The following EDA variants were observed in gnomAD, a reference collection of about 807,000 sequenced individuals.
EDA encodes the protein ectodysplasin-A.
EDA carries 2 observed loss-of-function variants against 23.6 expected under a neutral mutation model. The ratio of observed to expected loss-of-function variants is 0.08; its 90% CI spans 0.03 to 0.27. The LOEUF (loss-of-function observed/expected upper bound fraction) is 0.27. Among genes scored for constraint, EDA ranks in the 10% least tolerant of loss-of-function variants. EDA has a pLI of 1.00. For synonymous variants in EDA, 131 were observed against 132.0 expected, an observed-to-expected ratio of 0.99 and a Z score of 0.05; for missense variants, 229 against 324.2, an observed-to-expected ratio of 0.71 and a Z score of 2.26.
chrX:69,870,482 A>T (rs1602498359), intron 1 of EDA, among the ~76,000 whole-genome samples: 1 of 110,746 alleles, frequency 9.0e-6, no homozygotes, highest in East Asian at 2.9e-4. Flanking sequence ...GAGAATCAAC[A>T]TTATCTTGCC....
At chrX:69,795,666 G>A (rs1300910186) in intron 1 of EDA, among the ~76,000 whole-genome samples, 1 of 112,949 alleles carries the variant, frequency 8.9e-6, no homozygotes, top group Non-Finnish European at 1.9e-5. Context: ...AAGGCCACTG[G>A]GGCTTAGGTG....
intron 1 of EDA, among the ~76,000 whole-genome samples, chrX:69,911,676 G>C (rs188415620): frequency 8.9e-6 from 1 of 112,229 alleles, no homozygotes; most frequent in Admixed American, 9.5e-5. Flanking sequence ...AAGTATAAAA[G>C]TTATGTTTAC....
rs745670372 is a variant in EDA, at chrX:69,682,767, G to A, written c.396+66063G>A. ...ACCCGGTATGTCAGATGGAAACGCA[G>A]AAATCACCCATCTTCTGCCTCACTC... On this transcript the variant is annotated intron_variant, in intron 1 of 7. Transcript: ENST00000374552. Among the ~76,000 whole-genome samples, 3 of 111,294 alleles carry A rather than the reference G, an allele frequency of 2.7e-5. No homozygotes were observed. The East Asian group carries it at 8.6e-4, about 32-fold the overall frequency.
chrX:69,950,944 G>T (rs1409797270), intron 1 of EDA, among the ~76,000 whole-genome samples: 1 of 78,460 alleles, frequency 1.3e-5, no homozygotes, highest in East Asian at 5.6e-4. Flanking sequence ...CCTGTTGTGG[G>T]GTGGGGGGAG....
intron 1 of EDA, among the ~76,000 whole-genome samples, chrX:69,784,902 T>C (rs1202844185): frequency 9.0e-6 from 1 of 111,335 alleles, no homozygotes; most frequent in African/African-American, 3.3e-5. Context: ...ATTTTCACGA[T>C]ATTGATTCTT....
chrX:69,675,575 A>T (rs1934051265), intron 1 of EDA, among the ~76,000 whole-genome samples: 1 of 104,514 alleles, frequency 9.6e-6, no homozygotes, highest in Admixed American at 1.2e-4. Flanking sequence ...ACTGTCCCTA[A>T]TTTTTTTTCA....
At chrX:69,660,800 A>G (rs1280464642) in intron 1 of EDA, among the ~76,000 whole-genome samples, 1 of 111,691 alleles carries the variant, frequency 9.0e-6, no homozygotes, top group African/African-American at 3.3e-5. Context: ...CGCAATAAAC[A>G]TACGTGTGCA....
intron 1 of EDA, among the ~76,000 whole-genome samples, chrX:69,891,396 C>G (rs1422359202): frequency 9.0e-6 from 1 of 111,537 alleles, no homozygotes; most frequent in Non-Finnish European, 1.9e-5. Flanking sequence ...TGTACCCAAA[C>G]CACTGTATAT....
chrX:69,788,667 G>A (rs778247709), intron 1 of EDA, among the ~76,000 whole-genome samples: 1,954 of 111,745 alleles, frequency 0.017, 48 homozygotes, highest in African/African-American at 0.061. Context: ...CTCCAGCTGC[G>A]TGCTGGGAGA....
chrX:69,777,142 GTTTTGT>G (rs1432010647), intron 1 of EDA, among the ~76,000 whole-genome samples: 89 of 47,162 alleles, frequency 1.9e-3, no homozygotes, highest in African/African-American at 4.6e-3. Flanking sequence ...TTGATTCTGG[GTTTTGT>G]TGTTGTTGTT....
chrX:69,713,261 G>A (rs914385643), intron 1 of EDA, among the ~76,000 whole-genome samples: 9 of 111,763 alleles, frequency 8.1e-5, no homozygotes, highest in African/African-American at 1.6e-4. Flanking sequence ...GAAATAATAC[G>A]GAGAGCTCCT....
At position 69,678,283 on chromosome X, in the gene EDA, T is replaced by C. The variant is rs1173618864; in HGVS notation, c.396+61579T>C. On this transcript the variant is annotated intron_variant, in intron 1 of 7. Coordinates refer to ENST00000374552, the MANE Select transcript of EDA (RefSeq NM_001399.5). ...TGCCTCCAGCTTTGTTCTTTTGGCT[T>C]AGGATTGACTTGGTGATGCGGGCTC... 7.3e-5 allele frequency among the ~76,000 whole-genome samples: 8 copies of C among 109,659 alleles called. No homozygotes were observed. In the East Asian group the frequency reaches 2.3e-3, roughly 31 times the overall value.
rs867477303 is a variant in EDA, at chrX:69,987,290, A to T, written c.502+30158A>T. On this transcript the variant is annotated intron_variant, in intron 2 of 7. Coordinates refer to ENST00000374552, the MANE Select transcript of EDA (RefSeq NM_001399.5). The stretch of plus-strand genomic sequence containing the variant: ...AAAGTATAATAAAAAAAAAAAAATT[A>T]AAAAAAAAAATTTTTTTTTTTAAAA... Among the ~76,000 whole-genome samples the T allele has an allele frequency of 2.1e-3, 202 of 96,426 alleles. 2 individuals carry two copies. Among genetic ancestry groups the T allele is most frequent in the African/African-American group, 3.4e-3 (80 of 23,418 alleles). 83.7% of individuals were successfully genotyped at this position (96,426 alleles called of 115,157 possible).
chrX:69,937,440 T>C, intron 1 of EDA: 1 of 776,147 alleles, frequency 1.3e-6, no homozygotes, highest in South Asian at 2.1e-5. Context: ...CTTCACATCA[T>C]AAATGACAGG....
chrX:69,711,053 G>A (rs1274677468), intron 1 of EDA, among the ~76,000 whole-genome samples: 2 of 111,467 alleles, frequency 1.8e-5, no homozygotes, highest in East Asian at 2.8e-4. Flanking sequence ...GTGAGAGAGG[G>A]CATCGCTGTC....
intron 1 of EDA, among the ~76,000 whole-genome samples, chrX:69,906,741 A>G (rs1382828462): frequency 8.9e-6 from 1 of 111,773 alleles, no homozygotes; most frequent in African/African-American, 3.3e-5. Flanking sequence ...GCGTGCACGC[A>G]CACACACATA....
intron 1 of EDA, among the ~76,000 whole-genome samples, chrX:69,813,098 T>A (rs1008723519): frequency 1.8e-5 from 2 of 111,245 alleles, no homozygotes; most frequent in East Asian, 5.7e-4. Flanking sequence ...GTAATCCTTT[T>A]ATGTGTTCTT....
intron 2 of EDA, among the ~76,000 whole-genome samples, chrX:69,968,656 T>C (rs1209474691): frequency 8.9e-6 from 1 of 112,303 alleles, no homozygotes; most frequent in Admixed American, 9.4e-5. Context: ...GCAAGCACAA[T>C]TCTTCCTTGC....
chrX:69,703,173 C>A (rs191060133), intron 1 of EDA, among the ~76,000 whole-genome samples: 24 of 111,481 alleles, frequency 2.2e-4, no homozygotes, highest in Admixed American at 1.9e-3. Context: ...AGATGATCAG[C>A]GAGTGCCTGG....
Sources: allele counts gnomAD v4.1 joint callset (sites outside exome capture counted in the v4.1 genomes callset), GRCh38; gene constraint gnomAD v4.1.1; transcripts MANE v1.5; gene names NCBI Gene and HGNC (gene_info 2026-07-23, HGNC 2026-07-21).